Variants in KIF5B observed in about 807,000 individuals in gnomAD.
KIF5B encodes kinesin family member 5B.
KIF5B carries 49 observed loss-of-function variants against 132.8 expected under a neutral mutation model. The ratio of observed to expected loss-of-function variants is 0.37; its 90% CI spans 0.29 to 0.47. The LOEUF is 0.47. Among genes scored for constraint, KIF5B ranks in the 20% least tolerant of loss-of-function variants. The probability of loss-of-function intolerance (pLI) is 1.00; values close to 1 mark genes in which losing one functional copy is unlikely to be tolerated. For synonymous variants in KIF5B, 355 were observed against 369.4 expected (o/e 0.96, Z 0.45); for missense variants, 780 against 1,144.0 (o/e 0.68, Z 4.59).
At chr10:32,039,757 C>G (rs1025134795) in intron 3 of KIF5B, among the ~76,000 whole-genome samples, 2 of 152,094 alleles carry the variant, frequency 1.3e-5, no homozygotes, top group Non-Finnish European at 2.9e-5. Context: ...CCTTCTACTT[C>G]GAGGCAAATT....
rs1161507094 is a variant in KIF5B, at chr10:32,022,198, T to C, written c.1974A>G (p.Arg658=). The C allele has an allele frequency of 1.2e-6, 2 of 1,613,542 alleles. No individual in the cohort carries two copies. The highest frequency in any genetic ancestry group is 2.7e-5 in the African/African-American group (2 of 74,914). ...GGGCATCGACAGATTCCTCCAACTGTCTTTTCTTTTGTTCCACATTTTGAA... is the reference window on the plus strand; with the variant it reads ...GGGCATCGACAGATTCCTCCAACTGCCTTTTCTTTTGTTCCACATTTTGAA... ...EYLQNVEQKK[R]QLEESVDALS... The change falls in exon 17 of 26, where the codon AGA becomes AGG. Residue 658 remains arginine, a synonymous_variant. Coordinates refer to ENST00000302418, the MANE Select transcript of KIF5B (RefSeq NM_004521.3).
intron 6 of KIF5B, among the ~76,000 whole-genome samples, chr10:32,037,882 C>T (rs999218770): frequency 6.6e-6 from 1 of 151,878 alleles, no homozygotes; most frequent in Admixed American, 6.6e-5. Flanking sequence ...GAGGCAGAGG[C>T]GGGCGGATCA....
At chr10:32,014,033 ATT>A (rs1444794707) in intron 25 of KIF5B, among the ~76,000 whole-genome samples, 1 of 152,202 alleles carries the variant, frequency 6.6e-6, no homozygotes, top group Non-Finnish European at 1.5e-5. Context: ...TAGCTTTAGT[ATT>A]TGTCAGAAAC....
chr10:32,018,169 GGTAA>G lies in KIF5B; in HGVS notation c.2440-17_2440-14del. ...CAATCTCAGCACTCTGAGAAAAGAA[GGTAA>G]GTATTACAAAAAAATTAAAAAAAAC... On this transcript the variant is annotated splice_polypyrimidine_tract_variant and intron_variant, in intron 22 of 25. Transcript: ENST00000302418. The G allele has an allele frequency of 6.4e-7, 1 of 1,556,006 alleles. No homozygotes were observed. Among genetic ancestry groups the G allele is most frequent in the Non-Finnish European group, 8.7e-7 (1 of 1,146,692 alleles).
intron 6 of KIF5B, 70 bp downstream of exon 6, chr10:32,038,093 G>A (rs1213993931): frequency 1.1e-6 from 1 of 909,852 alleles, no homozygotes; most frequent in East Asian, 2.5e-5. Flanking sequence ...CTGGGCGACA[G>A]AGTGAGACTC....
chr10:32,051,184 G>C (rs1414416735), intron 1 of KIF5B, among the ~76,000 whole-genome samples: 1 of 152,168 alleles, frequency 6.6e-6, no homozygotes, highest in Non-Finnish European at 1.5e-5. Flanking sequence ...ATATACTCCT[G>C]AGTAGCTGGG....
intron 14 of KIF5B, among the ~76,000 whole-genome samples, chr10:32,029,224 C>T (rs1215752983): frequency 6.6e-6 from 1 of 152,136 alleles, no homozygotes; most frequent in African/African-American, 2.4e-5. Context: ...AGGTGAGCAT[C>T]CCCACTCCGA....
chr10:32,038,710 C>A, intron 5 of KIF5B, 68 bp downstream of exon 5: 2 of 907,494 alleles, frequency 2.2e-6, no homozygotes. Context: ...AAGAAATAGT[C>A]TCACATCTAT....
At chr10:32,020,903 C>A in intron 19 of KIF5B, 119 bp downstream of exon 19, 1 of 587,476 alleles carries the variant, frequency 1.7e-6, no homozygotes, top group Non-Finnish European at 2.9e-6. Context: ...TGAGAAAATT[C>A]TTTATTTTCC....
intron 1 of KIF5B, among the ~76,000 whole-genome samples, chr10:32,051,225 A>G (rs1041383303): frequency 6.6e-5 from 10 of 152,104 alleles, no homozygotes; most frequent in African/African-American, 9.7e-5. Context: ...CGCCTGGCTA[A>G]TTTTTGTATT....
chr10:32,054,717 A>C (rs1482034779), intron 1 of KIF5B, among the ~76,000 whole-genome samples: 4 of 152,254 alleles, frequency 2.6e-5, no homozygotes, highest in Non-Finnish European at 4.4e-5. Flanking sequence ...CATTACCAAC[A>C]AAGAGCAACA....
chr10:32,017,091 T>A, intron 24 of KIF5B, 52 bp downstream of exon 24: 1 of 1,438,192 alleles, frequency 7.0e-7, no homozygotes, highest in East Asian at 2.3e-5. Context: ...TTCCACTAAA[T>A]GAAAGCATTC....
At chr10:32,047,269 AC>A (rs1841624449) in intron 2 of KIF5B, among the ~76,000 whole-genome samples, 2 of 151,920 alleles carry the variant, frequency 1.3e-5, no homozygotes, top group Admixed American at 1.3e-4. Flanking sequence ...TAATGTTACC[AC>A]CTTTTTTCAC....
chr10:32,022,673 A>C (rs1471486617), intron 16 of KIF5B, among the ~76,000 whole-genome samples, 175 bp downstream of exon 16: 2 of 152,172 alleles, frequency 1.3e-5, no homozygotes, highest in Non-Finnish European at 2.9e-5. Context: ...CATAACCCAT[A>C]TTTATGTTAG....
Position 32,015,567 on chromosome 10 carries a change from G to C in KIF5B, c.2854C>G (p.Pro952Ala), listed in dbSNP as rs1841147703. 1 of 1,613,066 alleles carries C rather than the reference G, an allele frequency of 6.2e-7. No individual in the cohort carries two copies. The highest frequency in any genetic ancestry group is 8.5e-7 in the Non-Finnish European group (1 of 1,179,508). ...CCTCCTCCACCTCGCACTGCCACTGGCTGGCTGTTCTGAACAAATGCACCT... is the reference window on the plus strand; with the variant it reads ...CCTCCTCCACCTCGCACTGCCACTGCCTGGCTGTTCTGAACAAATGCACCT... ...GGGAFVQNSQ[P>A]VAVRGGGGKQ... is the part of the protein sequence containing the mutation. The change falls in exon 25 of 26, where the codon CCA becomes GCA. Residue 952 changes from proline (P) to alanine (A), a missense_variant. Transcript: ENST00000302418.
intron 15 of KIF5B, among the ~76,000 whole-genome samples, chr10:32,026,451 A>AAAAAAAG (rs1841335105): frequency 6.7e-6 from 1 of 150,180 alleles, no homozygotes; most frequent in Admixed American, 6.6e-5. Context: ...AAAAAAAAAA[A>AAAAAAAG]AAAAAAAAAA....
At position 32,021,366 on chromosome 10, in the gene KIF5B, T is replaced by C; in HGVS notation, c.2033-79A>G. On this transcript the variant is annotated intron_variant, in intron 17 of 25. Transcript: ENST00000302418. ...TATAAACCAAGGAGCAAATGGATTT[T>C]ACAATAAGCATTTTCCTTAGCAATA... 4.0e-6 allele frequency: 4 copies of C among 989,734 alleles called. 1 individual carries two copies. The highest frequency in any genetic ancestry group is 2.8e-5 in the South Asian group (2 of 71,368). The allele number at this position is 989,734 out of a possible 1,614,324, so 61.3% of individuals were successfully genotyped here. A position where few individuals can be genotyped will look rare whatever the true frequency, so the allele number is the denominator to read the frequency against.
At chr10:32,020,894 G>A in intron 19 of KIF5B, 128 bp downstream of exon 19, 1 of 576,918 alleles carries the variant, frequency 1.7e-6, no homozygotes, top group East Asian at 2.9e-5. Context: ...ACTCATAAAT[G>A]AGAAAATTCT....
Position 32,045,737 on chromosome 10 carries a change from T to TTCAACTGGTACTTTGGGCAAATAC in KIF5B, c.214+2703_214+2726dup, listed in dbSNP as rs1176594593. Among the ~76,000 whole-genome samples the TTCAACTGGTACTTTGGGCAAATAC allele has an allele frequency of 6.5e-4, 99 of 152,226 alleles. 3 individuals are homozygous for TTCAACTGGTACTTTGGGCAAATAC. The highest frequency in any genetic ancestry group is 4.1e-4 in the South Asian group (2 of 4,832). Reference sequence around the variant, plus strand: ...CTCATTTCCTGTTTGGATATGGTTATTCAACTGGTACTTTGGGCAAATACT... The same window carrying TTCAACTGGTACTTTGGGCAAATAC: ...CTCATTTCCTGTTTGGATATGGTTATTCAACTGGTACTTTGGGCAAATACTCAACTGGTACTTTGGGCAAATACT... On this transcript the variant is annotated intron_variant, in intron 2 of 25. Coordinates refer to ENST00000302418, the MANE Select transcript of KIF5B (RefSeq NM_004521.3).
Sources: gnomAD v4.1 joint callset for allele counts (sites outside exome capture counted in the v4.1 genomes callset) on GRCh38, gnomAD v4.1.1 for gene constraint, MANE v1.5 for transcripts, NCBI Gene and HGNC (gene_info 2026-07-23, HGNC 2026-07-21) for gene names.